Variants in PCDHA5 observed in about 807,000 individuals in gnomAD.
PCDHA5 encodes the protein protocadherin alpha-5.
In PCDHA5, 43 loss-of-function variants were observed where a neutral mutation model predicts 61.6. The observed-to-expected ratio is 0.70, with a 90% CI of 0.55 to 0.90. PCDHA5 has a LOEUF of 0.90. PCDHA5 is among the 40% of genes least tolerant of loss of function. The pLI, the probability that PCDHA5 is intolerant of heterozygous loss-of-function variation, is 0.00. For synonymous variants in PCDHA5, 627 were observed against 543.9 expected (o/e 1.15, Z -2.13); for missense variants, 1,298 against 1,222.7 (o/e 1.06, Z -0.92).
chr5:140,945,425 G>T (rs246059), intron 1 of PCDHA5, among the ~76,000 whole-genome samples: 85,681 of 151,722 alleles, frequency 0.56, 24,785 homozygotes, highest in African/African-American at 0.69. Flanking sequence ...TTTCAATGAA[G>T]TTTTTACAGA....
At chr5:140,962,803 T>C (rs2095709614) in intron 1 of PCDHA5, among the ~76,000 whole-genome samples, 1 of 152,240 alleles carries the variant, frequency 6.6e-6, no homozygotes. Context: ...TGGACAACTC[T>C]AAACATCAGA....
At position 140,822,419 on chromosome 5, in the gene PCDHA5, A is replaced by G. The variant is rs2150116239; in HGVS notation, c.644A>G (p.Asp215Gly). 6.2e-7 allele frequency: 1 copy of G among 1,614,096 alleles called. No individual in the cohort carries two copies. The highest frequency in any genetic ancestry group is 1.1e-5 in the South Asian group (1 of 91,088). The part of the protein sequence containing the change: ...QEHRLLVIAT[D>G]GGKPELTGTV... ...CACCGTTTATTAGTGATTGCAACTG[A>G]TGGAGGAAAACCCGAACTAACAGGT... The change falls in exon 1 of 4, where the codon GAT becomes GGT. Residue 215 changes from aspartate (D) to glycine (G), a missense_variant. By Grantham distance (94) the Asp-to-Gly change is moderately conservative. Coordinates refer to ENST00000529859, the MANE Select transcript of PCDHA5 (RefSeq NM_018908.3).
chr5:140,869,610 C>T (rs782688712), intron 1 of PCDHA5: 1 of 1,613,928 alleles, frequency 6.2e-7, no homozygotes, highest in South Asian at 1.1e-5. Flanking sequence ...CTCTATTGAC[C>T]TACAGGCTAA....
chr5:140,987,293 T>C (rs2097246211), intron 3 of PCDHA5, among the ~76,000 whole-genome samples: 1 of 152,134 alleles, frequency 6.6e-6, no homozygotes, highest in African/African-American at 2.4e-5. Context: ...TAACAAGCCT[T>C]CTATGTGATA....
chr5:140,908,626 T>A (rs1162805222), intron 1 of PCDHA5, among the ~76,000 whole-genome samples: 3 of 152,020 alleles, frequency 2.0e-5, no homozygotes, highest in African/African-American at 4.8e-5. Context: ...ATCCTTGAGG[T>A]CTCCACTGTG....
rs2098414068 is a variant in PCDHA5 at position 141,009,729 on chromosome 5, G to T, written c.2603G>T (p.Gly868Val). The T allele has an allele frequency of 6.2e-7, 1 of 1,614,168 alleles. No homozygotes were observed. The highest frequency in any genetic ancestry group is 8.5e-7 in the Non-Finnish European group (1 of 1,180,028). ...GGCAACCCCAAACAATCCGGTCCCG[G>T]TGAGTTGCCCGACAAATTCATTATC... is the stretch of plus-strand genomic sequence containing the variant. ...GPGNPKQSGPGELPDKFIIPG... is the reference protein window; with the variant it reads ...GPGNPKQSGPVELPDKFIIPG... Residue 868 changes from glycine (G) to valine (V), a missense_variant, in exon 4 of 4, where the codon GGT becomes GTT. Transcript: ENST00000529859.
intron 1 of PCDHA5, among the ~76,000 whole-genome samples, chr5:140,846,195 A>G (rs2150385667): frequency 6.7e-6 from 1 of 149,594 alleles, no homozygotes; most frequent in Admixed American, 6.7e-5. Context: ...AGTTCTTTGT[A>G]TGTATGAGAT....
intron 1 of PCDHA5, among the ~76,000 whole-genome samples, chr5:140,965,764 A>G (rs2095932618): frequency 6.6e-6 from 1 of 152,258 alleles, no homozygotes; most frequent in Non-Finnish European, 1.5e-5. Flanking sequence ...AATGGGTCAA[A>G]TAATAGATTT....
intron 1 of PCDHA5, chr5:140,863,233 C>A (rs2047882202): frequency 1.6e-6 from 2 of 1,240,300 alleles, no homozygotes; most frequent in South Asian, 1.2e-5. Flanking sequence ...GGTCCCATCG[C>A]GGGCTTTGGC....
intron 1 of PCDHA5, among the ~76,000 whole-genome samples, chr5:140,976,053 A>G (rs1174656934): frequency 2.6e-5 from 4 of 152,222 alleles, no homozygotes; most frequent in Non-Finnish European, 5.9e-5. Flanking sequence ...AAATTGTGAT[A>G]GTAATATATG....
At position 141,010,400 on chromosome 5, in the gene PCDHA5, T is replaced by C. The variant is rs145123720; in HGVS notation, c.*463T>C. 379 of 1,297,746 alleles carry C rather than the reference T, an allele frequency of 2.9e-4. No individual in the cohort carries two copies. Among genetic ancestry groups the C allele is most frequent in the Non-Finnish European group, 3.8e-4 (370 of 966,092 alleles). 80.4% of individuals were successfully genotyped at this position (1,297,746 alleles called of 1,614,324 possible). ...CAGATATTGGCTGAGACGAGCCAGC[T>C]TAGACTAATTGGTACAAGGAAGGCA... On this transcript the variant is annotated 3_prime_UTR_variant, in exon 4 of 4. Transcript: ENST00000529859.
In PCDHA5 at chr5:140,849,224, C is replaced by G; in HGVS notation, c.2352+25097C>G. The G allele has an allele frequency of 1.9e-6, 2 of 1,040,424 alleles. 1 individual carries two copies. The allele number at this position is 1,040,424 out of a possible 1,614,324, so 64.4% of individuals were successfully genotyped here. A position where few individuals can be genotyped will look rare whatever the true frequency, so the allele number is the denominator to read the frequency against. On this transcript the variant is annotated intron_variant, in intron 1 of 3. Coordinates refer to ENST00000529859, the MANE Select transcript of PCDHA5 (RefSeq NM_018908.3). ...ACAATGACAATGCCCCAGTGTTCGACAGAACCCTGTATACGGTGAAATTAC... is the reference window on the plus strand; with the variant it reads ...ACAATGACAATGCCCCAGTGTTCGAGAGAACCCTGTATACGGTGAAATTAC...
intron 1 of PCDHA5, among the ~76,000 whole-genome samples, chr5:140,888,270 GT>G (rs2061763105): frequency 6.6e-6 from 1 of 152,102 alleles, no homozygotes; most frequent in Non-Finnish European, 1.5e-5. Context: ...ATAAGAAACA[GT>G]TTTGTCCCCT....
intron 1 of PCDHA5, among the ~76,000 whole-genome samples, chr5:140,949,788 G>C (rs2094421903): frequency 6.6e-6 from 1 of 151,684 alleles, no homozygotes; most frequent in Non-Finnish European, 1.5e-5. Context: ...GTTTAGATTT[G>C]TGTCCTTCAA....
intron 1 of PCDHA5, chr5:140,865,219 G>C (rs2048775576): frequency 6.6e-6 from 1 of 152,062 alleles, no homozygotes; most frequent in Admixed American, 6.5e-5. Context: ...TTTCTTTAAA[G>C]GGATCCCAGA....
chr5:140,950,100 A>G (rs964595718), intron 1 of PCDHA5, among the ~76,000 whole-genome samples: 1 of 151,910 alleles, frequency 6.6e-6, no homozygotes, highest in Non-Finnish European at 1.5e-5. Flanking sequence ...CATTTGTATT[A>G]AATCTCATAC....
chr5:140,829,529 C>G (rs2150169515), intron 1 of PCDHA5: 1 of 1,613,270 alleles, frequency 6.2e-7, no homozygotes, highest in East Asian at 2.2e-5. Context: ...GGTGTCTGCG[C>G]GAGACGCGGA....
chr5:140,993,460 TCTCA>T (rs200310897), intron 3 of PCDHA5, among the ~76,000 whole-genome samples: 2,027 of 104,544 alleles, frequency 0.019, 23 homozygotes, highest in Admixed American at 0.035. Flanking sequence ...CTTCTTTCTT[TCTCA>T]CACACACACA....
At chr5:140,852,794 G>A (rs2042475674) in intron 1 of PCDHA5, 1 of 976,830 alleles carries the variant, frequency 1.0e-6, no homozygotes, top group South Asian at 4.8e-5. Flanking sequence ...GGATGCTACA[G>A]ATGTCATTTG....
Sources: allele counts gnomAD v4.1 joint callset (sites outside exome capture counted in the v4.1 genomes callset), GRCh38; gene constraint gnomAD v4.1.1; transcripts MANE v1.5; gene names NCBI Gene and HGNC (gene_info 2026-07-23, HGNC 2026-07-21).